Variants in RANBP2 observed in about 807,000 individuals in gnomAD.
The protein encoded by RANBP2 is E3 SUMO-protein ligase RanBP2.
In RANBP2, 57 loss-of-function variants were observed where a neutral mutation model predicts 303.6. The observed-to-expected ratio is 0.19, with a 90% CI of 0.15 to 0.23. RANBP2 has a LOEUF of 0.23. Ranked by LOEUF, RANBP2 falls within the 10% of genes least tolerant of loss-of-function variation. The pLI, the probability that RANBP2 is intolerant of heterozygous loss-of-function variation, is 1.00. For synonymous variants in RANBP2, 1,167 were observed against 1,301.5 expected, an observed-to-expected ratio of 0.90 and a Z score of 2.23; for missense variants, 3,138 against 3,780.8, an observed-to-expected ratio of 0.83 and a Z score of 4.46.
the RANBP2 span, among the ~76,000 whole-genome samples, chr2:109,664,268 A>G: frequency 6.6e-6 from 1 of 152,222 alleles, no homozygotes; most frequent in African/African-American, 2.4e-5. Context: ...CTTAAATGTT[A>G]CCAGCCAGAA....
chr2:109,368,334 C>G, the RANBP2 span, among the ~76,000 whole-genome samples: 1 of 152,120 alleles, frequency 6.6e-6, no homozygotes, highest in Admixed American at 6.5e-5. Context: ...AATACATTCC[C>G]CAGTTCAAGA....
the RANBP2 span, among the ~76,000 whole-genome samples, chr2:109,586,061 T>C: frequency 3.9e-5 from 6 of 152,298 alleles, 1 homozygote; most frequent in African/African-American, 1.4e-4. Context: ...AACGAGAGTC[T>C]AGCACTATGT....
chr2:108,755,160 T>C lies in RANBP2; in HGVS notation c.2383-16T>C. 1 of 1,611,782 alleles carries C rather than the reference T, an allele frequency of 6.2e-7. No homozygotes were observed. On this transcript the variant is annotated splice_polypyrimidine_tract_variant and intron_variant, in intron 16 of 28. Coordinates refer to ENST00000283195, the MANE Select transcript of RANBP2 (RefSeq NM_006267.5). ...AGTGTTTTAAATGCTGTTTTGTTAT[T>C]TTTATTTTTTTTTAGTATTCTCCCA...
At chr2:109,156,034 C>G in the RANBP2 span, among the ~76,000 whole-genome samples, 1 of 152,196 alleles carries the variant, frequency 6.6e-6, no homozygotes, top group Admixed American at 6.5e-5. Flanking sequence ...GTCATTTTGC[C>G]CCTGCCTGAA....
chr2:109,228,101 C>T, the RANBP2 span, among the ~76,000 whole-genome samples: 1 of 152,204 alleles, frequency 6.6e-6, no homozygotes, highest in Non-Finnish European at 1.5e-5. Context: ...TCTCTTGACA[C>T]ATACAGGCAA....
At chr2:109,388,499 T>C in the RANBP2 span, among the ~76,000 whole-genome samples, 1 of 152,200 alleles carries the variant, frequency 6.6e-6, no homozygotes, top group Non-Finnish European at 1.5e-5. Context: ...TACTCTCAGC[T>C]GCTGACCCTG....
the RANBP2 span, among the ~76,000 whole-genome samples, chr2:108,847,294 T>C: frequency 1.1e-3 from 175 of 152,340 alleles, no homozygotes; most frequent in African/African-American, 4.2e-3. Flanking sequence ...ACCTGTTTTG[T>C]AAATGAAGTT....
the RANBP2 span, among the ~76,000 whole-genome samples, chr2:109,576,943 T>A: frequency 1.4e-3 from 220 of 152,228 alleles, 1 homozygote; most frequent in Non-Finnish European, 2.4e-3. Flanking sequence ...TGAGATTTTT[T>A]AAAAAGAACT....
At chr2:109,572,047 A>G in the RANBP2 span, among the ~76,000 whole-genome samples, 1 of 152,246 alleles carries the variant, frequency 6.6e-6, no homozygotes, top group Non-Finnish European at 1.5e-5. Context: ...CATATATGCC[A>G]GGCATTGTAC....
At chr2:108,778,314 G>A (rs1047678529) in intron 25 of RANBP2, among the ~76,000 whole-genome samples, 1 of 152,282 alleles carries the variant, frequency 6.6e-6, no homozygotes, top group East Asian at 1.9e-4. Flanking sequence ...TATTCACCAA[G>A]CTCTTGTGTA....
downstream of RANBP2, chr2:108,788,079 A>G: frequency 1.9e-6 from 3 of 1,601,824 alleles, no homozygotes; most frequent in East Asian, 2.2e-5. Flanking sequence ...GAAGAACTCT[A>G]ACCTCCCCAG....
the RANBP2 span, among the ~76,000 whole-genome samples, chr2:109,205,711 T>G: frequency 6.6e-6 from 1 of 152,208 alleles, no homozygotes; most frequent in Non-Finnish European, 1.5e-5. Context: ...AGGTGTTGTT[T>G]CGGGGCAGTG....
chr2:109,354,522 G>A, the RANBP2 span, among the ~76,000 whole-genome samples: 1 of 152,220 alleles, frequency 6.6e-6, no homozygotes, highest in African/African-American at 2.4e-5. Flanking sequence ...GGAAATCTTA[G>A]GCACTGGATG....
the RANBP2 span, among the ~76,000 whole-genome samples, chr2:109,311,848 A>T: frequency 7.4e-6 from 1 of 135,438 alleles, no homozygotes; most frequent in African/African-American, 3.3e-5. Flanking sequence ...CTTTATTGTT[A>T]TTTTTTTAAT....
At chr2:109,350,196 C>T in the RANBP2 span, among the ~76,000 whole-genome samples, 8 of 152,112 alleles carry the variant, frequency 5.3e-5, no homozygotes, top group African/African-American at 9.7e-5. Flanking sequence ...TGGGGGTAGC[C>T]GAGCAGGGGT....
At chr2:109,185,783 A>G in the RANBP2 span, among the ~76,000 whole-genome samples, 1 of 152,246 alleles carries the variant, frequency 6.6e-6, no homozygotes, top group South Asian at 2.1e-4. Flanking sequence ...TTAACTTGGC[A>G]CACTAATACT....
At chr2:109,283,998 G>C in the RANBP2 span, among the ~76,000 whole-genome samples, 4 of 152,172 alleles carry the variant, frequency 2.6e-5, no homozygotes, top group African/African-American at 4.8e-5. Context: ...TTCCAGGAGA[G>C]CTTGCCCTGG....
chr2:109,460,254 T>C, the RANBP2 span, among the ~76,000 whole-genome samples: 1 of 152,096 alleles, frequency 6.6e-6, no homozygotes. Context: ...CAAATCCATA[T>C]CTAGAGTGAA....
chr2:109,445,123 G>A, the RANBP2 span, among the ~76,000 whole-genome samples: 14,358 of 152,200 alleles, frequency 0.094, 2,159 homozygotes, highest in African/African-American at 0.31. Flanking sequence ...AAGCCATACA[G>A]AGGAATTTAT....
Sources: allele counts gnomAD v4.1 joint callset (sites outside exome capture counted in the v4.1 genomes callset), GRCh38; gene constraint gnomAD v4.1.1; transcripts MANE v1.5; gene names NCBI Gene and HGNC (gene_info 2026-07-23, HGNC 2026-07-21).